Variants in DNAH6 observed in about 807,000 individuals in gnomAD.
The protein encoded by DNAH6 is axonemal beta dynein heavy chain 6.
DNAH6 carries 340 observed loss-of-function variants against 491.4 expected under a neutral mutation model. The observed-to-expected ratio is 0.69, with a 90% CI of 0.63 to 0.76. DNAH6 has a LOEUF of 0.76. Ranked by LOEUF, DNAH6 falls within the 30% of genes least tolerant of loss-of-function variation. DNAH6 has a pLI of 0.00. For missense variants in DNAH6, 4,443 were observed against 4,972.2 expected (o/e 0.89, Z 3.20); for synonymous variants, 1,603 against 1,686.1 (o/e 0.95, Z 1.21).
At position 84,723,752 on chromosome 2, in the gene DNAH6, C is replaced by T. The variant is rs147661570; in HGVS notation, c.9972+948C>T. ...ACTATGAGACTCTCTTGTTTTATTT[C>T]AGCCTCTCTTCTTTATCTCATATTC... On this transcript the variant is annotated intron_variant, in intron 60 of 76. Transcript: ENST00000389394. Among the ~76,000 whole-genome samples the T allele has an allele frequency of 2.1e-4, 32 of 152,300 alleles. No homozygotes were observed. In the East Asian group the frequency reaches 5.8e-3, roughly 28 times the overall value.
intron 46 of DNAH6, among the ~76,000 whole-genome samples, chr2:84,695,633 G>A (rs1007743187): frequency 1.3e-5 from 2 of 152,038 alleles, no homozygotes; most frequent in Admixed American, 6.5e-5. Context: ...TGTAAAAACT[G>A]TAAAATTATA....
At chr2:84,787,036 A>G (rs1677269285) in intron 67 of DNAH6, 128 bp from the exon 68 acceptor site, 1 of 619,698 alleles carries the variant, frequency 1.6e-6, no homozygotes, top group Non-Finnish European at 2.6e-6. Flanking sequence ...GTTGAGCCAC[A>G]TGATTTTACT....
chr2:84,485,448 A>C, the DNAH6 span, among the ~76,000 whole-genome samples: 3 of 152,106 alleles, frequency 2.0e-5, no homozygotes, highest in African/African-American at 7.2e-5. Context: ...ATGGAATGAA[A>C]GACCTTATGG....
rs187302876 is a variant in DNAH6 at position 84,760,700 on chromosome 2, C to G, written c.10513-2055C>G. 1.4e-4 allele frequency among the ~76,000 whole-genome samples: 21 copies of G among 152,232 alleles called. No homozygotes were observed. In the East Asian group the frequency reaches 3.7e-3, roughly 27 times the overall value. Reference sequence around the variant, plus strand: ...AGAGAAAAGGGAATACACATTTCCACTCTTTGTGGGAATGTAAATTAGTGC... The same window carrying G: ...AGAGAAAAGGGAATACACATTTCCAGTCTTTGTGGGAATGTAAATTAGTGC... On this transcript the variant is annotated intron_variant, in intron 63 of 76. Coordinates refer to ENST00000389394, the MANE Select transcript of DNAH6 (RefSeq NM_001370.2).
the DNAH6 span, among the ~76,000 whole-genome samples, chr2:84,479,038 C>G: frequency 2.0e-5 from 3 of 152,100 alleles, no homozygotes; most frequent in Non-Finnish European, 4.4e-5. Flanking sequence ...ACACTATCAG[C>G]TGTCCCCAGC....
intron 24 of DNAH6, among the ~76,000 whole-genome samples, chr2:84,620,742 A>C (rs565269128): frequency 6.6e-6 from 1 of 152,296 alleles, no homozygotes; most frequent in South Asian, 2.1e-4. Context: ...GGAAAACATG[A>C]AATTTAAAGA....
chr2:84,758,760 C>A (rs1674292829), intron 63 of DNAH6, among the ~76,000 whole-genome samples: 2 of 152,080 alleles, frequency 1.3e-5, no homozygotes, highest in Non-Finnish European at 2.9e-5. Context: ...GATAAAAACC[C>A]TCAACAAATT....
intron 72 of DNAH6, among the ~76,000 whole-genome samples, chr2:84,809,499 G>A (rs2105329726): frequency 6.6e-6 from 1 of 152,210 alleles, no homozygotes; most frequent in East Asian, 1.9e-4. Flanking sequence ...AAAGTCAGCA[G>A]GCTAAGTCTC....
Position 84,705,486 on chromosome 2 carries a change from G to T in DNAH6, c.8466G>T (p.Lys2822Asn). 3 of 1,538,980 alleles carry T rather than the reference G, an allele frequency of 1.9e-6. No individual in the cohort carries two copies. The highest frequency in any genetic ancestry group is 2.6e-6 in the Non-Finnish European group (3 of 1,139,928). ...MEAISILLNA[K>N]PDWPSAKQLL... ...TTAATATATCATGTCTGTCTTTCAG[G>T]CCTGATTGGCCATCAGCAAAGCAAC... is the stretch of plus-strand genomic sequence containing the variant. Residue 2822 changes from lysine (K) to asparagine (N), a missense_variant and splice_region_variant, in exon 52 of 77, where the codon AAG (lysine) becomes AAT (asparagine). Lys to Asn is a moderately conservative substitution (Grantham distance 94, BLOSUM62 0). Transcript: ENST00000389394.
chr2:84,505,459 A>G, the DNAH6 span, among the ~76,000 whole-genome samples: 3 of 152,192 alleles, frequency 2.0e-5, no homozygotes, highest in Non-Finnish European at 2.9e-5. Flanking sequence ...GGCTTTCAGC[A>G]TGGAGTATGA....
intron 11 of DNAH6, 35 bp from the exon 12 acceptor site, chr2:84,573,432 A>G: frequency 6.5e-7 from 1 of 1,540,630 alleles, no homozygotes; most frequent in Non-Finnish European, 8.7e-7. Flanking sequence ...TAACAAAAAT[A>G]TGGTCATATT....
At chr2:84,788,403 C>T (rs1206113710) in intron 68 of DNAH6, among the ~76,000 whole-genome samples, 1 of 152,114 alleles carries the variant, frequency 6.6e-6, no homozygotes, top group East Asian at 1.9e-4. Context: ...AGATTTAATG[C>T]AATCCCTATG....
intron 12 of DNAH6, among the ~76,000 whole-genome samples, chr2:84,575,956 C>T (rs1443160995): frequency 6.6e-6 from 1 of 152,106 alleles, no homozygotes; most frequent in African/African-American, 2.4e-5. Flanking sequence ...GGCTATGTGG[C>T]CATAGCCAAG....
chr2:84,735,364 C>T (rs972143560), intron 62 of DNAH6, among the ~76,000 whole-genome samples: 3 of 152,146 alleles, frequency 2.0e-5, no homozygotes, highest in South Asian at 2.1e-4. Context: ...AACATGAGTG[C>T]GGGTGTGTTT....
At position 84,584,345 on chromosome 2, in the gene DNAH6, T is replaced by C. The variant is rs1057087776; in HGVS notation, c.2481+95T>C. On this transcript the variant is annotated intron_variant, in intron 15 of 76. Coordinates refer to ENST00000389394, the MANE Select transcript of DNAH6 (RefSeq NM_001370.2). ...ATAATCAACAGATAAAAATTGTATA[T>C]ATTTACAATATATAATGTGATGTTT... 17 of 1,223,870 alleles carry C rather than the reference T, an allele frequency of 1.4e-5. No individual in the cohort carries two copies. In the South Asian group the frequency reaches 2.6e-4, roughly 19 times the overall value. 75.8% of individuals were successfully genotyped at this position (1,223,870 alleles called of 1,614,324 possible).
chr2:84,525,531 A>G, intron 2 of DNAH6, 34 bp from the exon 3 acceptor site: 1 of 1,518,898 alleles, frequency 6.6e-7, no homozygotes, highest in Non-Finnish European at 8.8e-7. Flanking sequence ...TACGAATGTT[A>G]ATAAAAATTA....
chr2:84,639,666 C>T (rs1689205100), intron 31 of DNAH6, among the ~76,000 whole-genome samples: 2 of 152,072 alleles, frequency 1.3e-5, no homozygotes, highest in Non-Finnish European at 1.5e-5. Context: ...GTGACTCACC[C>T]ATCTCGATCT....
At chr2:84,630,977 A>G (rs954745679) in intron 29 of DNAH6, among the ~76,000 whole-genome samples, 6 of 152,230 alleles carry the variant, frequency 3.9e-5, no homozygotes, top group African/African-American at 1.4e-4. Context: ...TAAAGTAGAA[A>G]TCATCACAAA....
chr2:84,697,397 A>T (rs891813755), intron 46 of DNAH6, among the ~76,000 whole-genome samples, 178 bp from the exon 47 acceptor site: 2 of 152,246 alleles, frequency 1.3e-5, no homozygotes, highest in African/African-American at 4.8e-5. Flanking sequence ...CAAAACACAA[A>T]GGAAAAATGA....
Sources: allele counts gnomAD v4.1 joint callset (sites outside exome capture counted in the v4.1 genomes callset), GRCh38; gene constraint gnomAD v4.1.1; transcripts MANE v1.5; gene names NCBI Gene and HGNC (gene_info 2026-07-23, HGNC 2026-07-21).